The following TTN variants were observed in gnomAD, a reference collection of about 807,000 sequenced individuals.
TTN encodes the protein titin.
TTN carries 1,525 observed loss-of-function variants against 3,223.0 expected under a neutral mutation model. The ratio of observed to expected loss-of-function variants is 0.47; its 90% CI spans 0.45 to 0.49. The LOEUF is 0.49. TTN is among the 20% of genes least tolerant of loss of function. TTN has a pLI of 0.00. For synonymous variants in TTN, 14,094 were observed against 15,161.0 expected (o/e 0.93, Z 5.17); for missense variants, 40,786 against 43,424.0 (o/e 0.94, Z 5.40).
Position 178,663,724 on chromosome 2 carries a change from A to T in TTN, c.36449-14T>A, listed in dbSNP as rs2065231056. 6.2e-7 allele frequency: 1 copy of T among 1,612,958 alleles called. No homozygotes were observed. Among genetic ancestry groups the T allele is most frequent in the African/African-American group, 1.3e-5 (1 of 74,802 alleles). On this transcript the variant is annotated splice_polypyrimidine_tract_variant and intron_variant, in intron 170 of 362. Coordinates refer to ENST00000589042, the MANE Select transcript of TTN (RefSeq NM_001267550.2). ...GAGGCTCTGGTACTTAAAAGATATT[A>T]GCAAAATTACATTCAGAAGTTATGA...
chr2:178,761,973 C>G (rs140616741), intron 43 of TTN, among the ~76,000 whole-genome samples: 1 of 152,294 alleles, frequency 6.6e-6, no homozygotes, highest in East Asian at 1.9e-4. Flanking sequence ...AATTACTCCT[C>G]TACCAGTAGG....
At chr2:178,643,606 T>G (rs767975345) in intron 218 of TTN, among the ~76,000 whole-genome samples, 5 of 151,952 alleles carry the variant, frequency 3.3e-5, no homozygotes, top group Non-Finnish European at 7.4e-5. Flanking sequence ...ATTTTTTATA[T>G]TATTATTTGA....
At chr2:178,680,952 T>G (rs577854204) in intron 138 of TTN, 127 bp downstream of exon 138, 210 of 851,586 alleles carry the variant, frequency 2.5e-4, no homozygotes, top group Non-Finnish European at 3.3e-4. Context: ...TACACATTTT[T>G]ACATCCAACA....
chr2:178,683,462 T>G (rs1399134379), intron 133 of TTN, among the ~76,000 whole-genome samples, 171 bp from the exon 134 acceptor site: 1 of 152,016 alleles, frequency 6.6e-6, no homozygotes, highest in Non-Finnish European at 1.5e-5. Context: ...TACTCTAATA[T>G]ACATATGAAG....
chr2:178,553,477 CAT>C (rs1559218345), intron 334 of TTN, 23 bp downstream of exon 334: 2 of 1,582,622 alleles, frequency 1.3e-6, no homozygotes, highest in Non-Finnish European at 1.7e-6. Context: ...TATTAAAAAA[CAT>C]AATCAAACCA....
rs186497293 is a variant in TTN at position 178,615,650 on chromosome 2, T to G, written c.48451A>C (p.Thr16151Pro). The G allele has an allele frequency of 5.0e-6, 8 of 1,612,128 alleles. No individual in the cohort carries two copies. In the African/African-American group the frequency reaches 6.7e-5, roughly 13 times the overall value. The change falls in exon 258 of 363, where the codon ACT (threonine) becomes CCT (proline). Residue 16151 changes from threonine (T) to proline (P), a missense_variant. By Grantham distance (38) the Thr-to-Pro change is conservative. Transcript: ENST00000589042. ...TCAAGAATGTACTCACTTGCAGGAG[T>G]TGACATATTTACAGGTTCATCAACA... The part of the protein sequence containing the change: ...AYVDEPVNMS[T>P]PATVPDPPEN...
In TTN at chr2:178,605,263, G is replaced by A; in HGVS notation, c.53914C>T (p.Arg17972Ter). ...GCCTTAACTTTGATAGTGTCTCCTC[G>A]AACACTCAGACGCAACTTAATAGTT... is the stretch of plus-strand genomic sequence containing the variant. ...PPTIKLRLSVRGDTIKVKAGE... is the reference protein window; with the variant it reads ...PPTIKLRLSV The change falls in exon 280 of 363, where the codon CGA (arginine) becomes TGA (stop). Residue 17972 changes from arginine to a stop codon, truncating the protein, a stop_gained. Transcript: ENST00000589042. LOFTEE classifies it high-confidence loss of function. 6.2e-7 allele frequency: 1 copy of A among 1,600,022 alleles called. No homozygotes were observed. Among genetic ancestry groups the A allele is most frequent in the Non-Finnish European group, 8.5e-7 (1 of 1,173,280 alleles).
chr2:178,732,184 C>T lies in TTN; in HGVS notation c.16785G>A (p.Val5595=). ...TCAGTCTTAGAACTGCAGTAGACTC[C>T]ACAAAAGACATTCTGTGTTTGCTGC... ...KESSKHRMSF[V]ESTAVLRLTD... Residue 5595 remains valine (V), a synonymous_variant, in exon 57 of 363, where the codon GTG becomes GTA. Coordinates refer to ENST00000589042, the MANE Select transcript of TTN (RefSeq NM_001267550.2). 1.2e-6 allele frequency: 2 copies of T among 1,613,820 alleles called. No individual in the cohort carries two copies. The highest frequency in any genetic ancestry group is 1.7e-6 in the Non-Finnish European group (2 of 1,179,786).
In TTN at chr2:178,723,599, T is replaced by C. The variant is rs1168845666; in HGVS notation, c.21501A>G (p.Lys7167=). ...TSVIRGTPPF[K]VNWFRGAREL... ...CTCTGGCACCTCTGAACCAGTTGAC[T>C]TTGAATGGAGGGGTTCCTCTAATAA... Residue 7167 remains lysine, a synonymous_variant, in exon 74 of 363, where the codon AAA becomes AAG. Transcript: ENST00000589042. 1.2e-6 allele frequency: 2 copies of C among 1,613,288 alleles called. No individual in the cohort carries two copies. The highest frequency in any genetic ancestry group is 1.7e-6 in the Non-Finnish European group (2 of 1,179,564).
intron 118 of TTN, 83 bp downstream of exon 118, chr2:178,693,839 G>C: frequency 3.1e-6 from 4 of 1,307,018 alleles, no homozygotes; most frequent in Non-Finnish European, 4.3e-6. Context: ...ATGTCTACAC[G>C]ATCACAAATT....
chr2:178,716,146 T>A (rs1336680304), intron 88 of TTN, among the ~76,000 whole-genome samples: 1 of 152,138 alleles, frequency 6.6e-6, no homozygotes. Flanking sequence ...CTGTCTTGTA[T>A]ATGAACCAGT....
chr2:178,666,861 A>G lies in TTN; in HGVS notation c.35838T>C (p.Thr11946=). The G allele has an allele frequency of 6.4e-7, 1 of 1,572,534 alleles. No homozygotes were observed. The highest frequency in any genetic ancestry group is 8.6e-7 in the Non-Finnish European group (1 of 1,158,284). Residue 11946 remains threonine (T), a synonymous_variant, in exon 163 of 363, where the codon ACT becomes ACC. Coordinates refer to ENST00000589042, the MANE Select transcript of TTN (RefSeq NM_001267550.2). The stretch of plus-strand genomic sequence containing the variant: ...GTGTTTTTCTTCTTTTAACAATAGG[A>G]GTTTCTCCCTCTGGAATGACTTCCT... ...VFKEVIPEGE[T]PIVKRRKTPS...
At chr2:178,730,051 A>G in intron 62 of TTN, 42 bp downstream of exon 62, 1 of 1,597,992 alleles carries the variant, frequency 6.3e-7, no homozygotes, top group Non-Finnish European at 8.5e-7. Context: ...CAGGCAAGAA[A>G]ATCTAGACAA....
rs574305853 is a variant in TTN, at chr2:178,634,032, C to T, written c.42467G>A (p.Gly14156Asp). 3 of 1,613,010 alleles carry T rather than the reference C, an allele frequency of 1.9e-6. No individual in the cohort carries two copies. Among genetic ancestry groups the T allele is most frequent in the African/African-American group, 2.7e-5 (2 of 74,842 alleles). The change falls in exon 231 of 363, where the codon GGT becomes GAT. Residue 14156 changes from glycine (G) to aspartate (D), a missense_variant. Gly to Asp is a moderately conservative substitution (Grantham distance 94). Transcript: ENST00000589042. The surrounding 1 kb of genome is among the most constrained non-coding windows in gnomAD (Gnocchi z 4.6). ...TTCACAAACAAAAGTTGCTGTTTCACCTTCTTTTACTGTTTGATCTTCAAG... is the reference window on the plus strand; with the variant it reads ...TTCACAAACAAAAGTTGCTGTTTCATCTTCTTTTACTGTTTGATCTTCAAG... ...SPLEDQTVKE[G>D]ETATFVCELS...
At chr2:178,688,992 C>A (rs1303099980) in intron 125 of TTN, 61 bp downstream of exon 125, 2 of 1,507,074 alleles carry the variant, frequency 1.3e-6, no homozygotes, top group Admixed American at 1.8e-5. Flanking sequence ...AAGAATTTAA[C>A]ACACTCGAAG....
Position 178,748,278 on chromosome 2 carries a change from G to C in TTN, c.11311+4846C>G, listed in dbSNP as rs372982398. The C allele has an allele frequency of 1.5e-5, 24 of 1,612,854 alleles. No homozygotes were observed. In the South Asian group the frequency reaches 2.0e-4, roughly 13 times the overall value. ...TTTAAAATGTCTAAGTTTTGTTCCT[G>C]TACATGTCGGACTTCTTTTTCTAAA... On this transcript the variant is annotated intron_variant, in intron 47 of 362. Coordinates refer to ENST00000589042, the MANE Select transcript of TTN (RefSeq NM_001267550.2).
chr2:178,728,207 T>A lies in TTN; in HGVS notation c.19617A>T (p.Glu6539Asp). Reference sequence around the variant, plus strand: ...TATCTTCTAATTCCAGATTATTAACTTCCAGAGACACAGATCTCTCATGGC... The same window carrying A: ...TATCTTCTAATTCCAGATTATTAACATCCAGAGACACAGATCTCTCATGGC... ...LVCHERSVSL[E>D]VNNLELEDTA... The change falls in exon 67 of 363, where the codon GAA becomes GAT. Residue 6539 changes from glutamate (E) to aspartate (D), a missense_variant. Physicochemically the swap from Glu to Asp is conservative, Grantham distance 45. Coordinates refer to ENST00000589042, the MANE Select transcript of TTN (RefSeq NM_001267550.2). 2 of 1,613,010 alleles carry A rather than the reference T, an allele frequency of 1.2e-6. No individual in the cohort carries two copies. The highest frequency in any genetic ancestry group is 8.5e-7 in the Non-Finnish European group (1 of 1,179,386).
At position 178,652,305 on chromosome 2, in the gene TTN, G is replaced by A. The variant is rs965503511; in HGVS notation, c.39170C>T (p.Pro13057Leu). The change falls in exon 203 of 363, where the codon CCA (proline) becomes CTA (leucine). Residue 13057 changes from proline (P) to leucine (L), a missense_variant. Pro to Leu is a moderately conservative substitution (Grantham distance 98). Transcript: ENST00000589042. ...PKEVVPEKKVPVPPPKKPEVP... is the reference protein window; with the variant it reads ...PKEVVPEKKVLVPPPKKPEVP... ...TTCAGGCTTTTTAGGAGGAGGCACTGGCACTTTCTTTTCAGGAACAACTTC... is the reference window on the plus strand; with the variant it reads ...TTCAGGCTTTTTAGGAGGAGGCACTAGCACTTTCTTTTCAGGAACAACTTC... 6.2e-7 allele frequency: 1 copy of A among 1,613,704 alleles called. No individual in the cohort carries two copies. Among genetic ancestry groups the A allele is most frequent in the Non-Finnish European group, 8.5e-7 (1 of 1,179,710 alleles).
chr2:178,698,289 T>C lies in TTN; in HGVS notation c.30754+554A>G, dbSNP rs771926866. Among the ~76,000 whole-genome samples, 22 of 152,230 alleles carry C rather than the reference T, an allele frequency of 1.4e-4. No homozygotes were observed. The South Asian group carries it at 1.7e-3, about 11-fold the overall frequency. On this transcript the variant is annotated intron_variant, in intron 112 of 362. Coordinates refer to ENST00000589042, the MANE Select transcript of TTN (RefSeq NM_001267550.2). ...TACAAAATCTTAGACAGAAGAAACATGGCTTTTCTTGAGATCTGTTGCACA... is the reference window on the plus strand; with the variant it reads ...TACAAAATCTTAGACAGAAGAAACACGGCTTTTCTTGAGATCTGTTGCACA...
Sources: gnomAD v4.1 joint callset for allele counts (sites outside exome capture counted in the v4.1 genomes callset) on GRCh38, gnomAD v4.1.1 for gene constraint, Gnocchi (gnomAD v3.1) non-coding constraint, MANE v1.5 for transcripts, NCBI Gene and HGNC (gene_info 2026-07-23, HGNC 2026-07-21) for gene names.